The following FIGN variants were observed in gnomAD, a reference collection of about 807,000 sequenced individuals.
FIGN encodes fidgetin.
Under a neutral mutation model 51.3 loss-of-function variants are expected in FIGN, and 11 were observed. That is an observed-to-expected ratio of 0.21 (90% confidence interval 0.13 to 0.35). The LOEUF is 0.35. Among genes scored for constraint, FIGN ranks in the 10% least tolerant of loss-of-function variants. The pLI, the probability that FIGN is intolerant of heterozygous loss-of-function variation, is 1.00. For missense variants in FIGN, 857 were observed against 943.6 expected (o/e 0.91, Z 1.20); for synonymous variants, 407 against 363.2 (o/e 1.12, Z -1.37).
intron 2 of FIGN, among the ~76,000 whole-genome samples, chr2:163,628,165 T>G (rs1683085690): frequency 6.6e-6 from 1 of 152,192 alleles, no homozygotes; most frequent in East Asian, 1.9e-4. Context: ...ATATACATTC[T>G]GGCTCTGATG....
intron 2 of FIGN, among the ~76,000 whole-genome samples, chr2:163,721,964 C>T (rs1442875429): frequency 6.6e-6 from 1 of 152,132 alleles, no homozygotes; most frequent in African/African-American, 2.4e-5. Context: ...TTGCCTAACT[C>T]ATTATAATTT....
intron 2 of FIGN, among the ~76,000 whole-genome samples, chr2:163,672,629 A>G (rs1043201999): frequency 6.6e-6 from 1 of 152,218 alleles, no homozygotes; most frequent in African/African-American, 2.4e-5. Context: ...TGTGAAAAAC[A>G]AAGTGCCGAT....
Position 163,607,474 on chromosome 2 carries a change from T to G in FIGN, c.*2078A>C, listed in dbSNP as rs2105295965. 1 of 152,240 alleles carries G rather than the reference T, an allele frequency of 6.6e-6. No homozygotes were observed. Among genetic ancestry groups the G allele is most frequent in the Admixed American group, 6.6e-5 (1 of 15,244 alleles). 9.4% of individuals were successfully genotyped at this position (152,240 alleles called of 1,614,324 possible). ...AACATAAAAAATAAAAAAAGGGGAG[T>G]AAAGATCAAGCATCATAAAATTTCA... On this transcript the variant is annotated 3_prime_UTR_variant, in exon 3 of 3. Transcript: ENST00000333129.
Position 163,611,378 on chromosome 2 carries a change from G to T in FIGN, c.454C>A (p.Pro152Thr). 2 of 1,614,170 alleles carry T rather than the reference G, an allele frequency of 1.2e-6. No individual in the cohort carries two copies. Among genetic ancestry groups the T allele is most frequent in the Non-Finnish European group, 1.7e-6 (2 of 1,180,012 alleles). ...TCTGTCAGGTTGCTGGCTACCCCAGGAGAGCTTCCTATACTCGCAGAGACA... is the reference window on the plus strand; with the variant it reads ...TCTGTCAGGTTGCTGGCTACCCCAGTAGAGCTTCCTATACTCGCAGAGACA... ...ADVSASIGSS[P>T]GVASNLTEPS... The change falls in exon 3 of 3, where the codon CCT (proline) becomes ACT (threonine). Residue 152 changes from proline (P) to threonine (T), a missense_variant. Physicochemically the swap from Pro to Thr is conservative, Grantham distance 38. This residue lies in a region of FIGN where 799 missense variants were observed against 849.5 expected (regional missense o/e 0.94). Transcript: ENST00000333129.
chr2:163,611,817 TG>T lies in FIGN; in HGVS notation c.26-12del, dbSNP rs771540538. On this transcript the variant is annotated splice_polypyrimidine_tract_variant and intron_variant, in intron 2 of 2. Transcript: ENST00000333129. ...ACTGCATCTTCAAGCCTAAGAATTTTGGGGGGAAAAGAGTTAATTTACTTAA... is the reference window on the plus strand; with the variant it reads ...ACTGCATCTTCAAGCCTAAGAATTTTGGGGGAAAAGAGTTAATTTACTTAA... 1.2e-5 allele frequency: 19 copies of T among 1,585,920 alleles called. No homozygotes were observed. The African/African-American group carries it at 2.2e-4, about 18-fold the overall frequency.
At chr2:163,684,280 A>C (rs942033584) in intron 2 of FIGN, among the ~76,000 whole-genome samples, 20 of 152,244 alleles carry the variant, frequency 1.3e-4, no homozygotes, top group African/African-American at 4.6e-4. Context: ...AGAGAAGTTC[A>C]GCCTTTACTC....
chr2:163,660,874 TATA>T (rs1324845338), intron 2 of FIGN, among the ~76,000 whole-genome samples: 1 of 13,562 alleles, frequency 7.4e-5, no homozygotes, highest in African/African-American at 1.8e-4. Flanking sequence ...TATATATATA[TATA>T]TATTTTTTTT....
intron 2 of FIGN, among the ~76,000 whole-genome samples, chr2:163,640,620 C>A (rs1218652486): frequency 6.6e-6 from 1 of 151,900 alleles, no homozygotes; most frequent in Admixed American, 6.6e-5. Flanking sequence ...AGAATATCAC[C>A]CTTTGGTCTT....
chr2:163,611,013 C>T lies in FIGN; in HGVS notation c.819G>A (p.Ala273=), dbSNP rs776413594. ...GAGCAGGAATTCCTGAAGGCAGGTA[C>T]GCTGAAGGCGGAGGCGGTGCCCCCC... is the stretch of plus-strand genomic sequence containing the variant. The part of the protein sequence containing the change: ...SPGGAPPPPS[A]YLPSGIPAPT... Residue 273 remains alanine, a synonymous_variant, in exon 3 of 3, where the codon GCG becomes GCA. Transcript: ENST00000333129. 1.6e-5 allele frequency: 26 copies of T among 1,613,668 alleles called. No individual in the cohort carries two copies. The highest frequency in any genetic ancestry group is 4.5e-5 in the East Asian group (2 of 44,862).
chr2:163,654,375 G>A (rs1683526058), intron 2 of FIGN, among the ~76,000 whole-genome samples: 1 of 152,096 alleles, frequency 6.6e-6, no homozygotes. Flanking sequence ...TACAGTACTT[G>A]GCACCAACTA....
At chr2:163,636,162 T>A (rs1375837575) in intron 2 of FIGN, among the ~76,000 whole-genome samples, 1 of 152,216 alleles carries the variant, frequency 6.6e-6, no homozygotes, top group Non-Finnish European at 1.5e-5. Context: ...CTTGCCGTTT[T>A]ACAAGCTTGA....
chr2:163,626,879 G>A (rs977814637), intron 2 of FIGN, among the ~76,000 whole-genome samples: 5 of 152,054 alleles, frequency 3.3e-5, no homozygotes, highest in Admixed American at 6.6e-5. Context: ...CTCATTCTAC[G>A]CTAATTATAA....
chr2:163,610,048 A>G lies in FIGN; in HGVS notation c.1784T>C (p.Val595Ala). ...ACTGACTGGACTATGTTCCTCATTC[A>G]CTTGAGAGGAGAGAAGCATGTCAAT... is the stretch of plus-strand genomic sequence containing the variant. ...SDIDMLLSSQ[V>A]NEEHSPVSRM... Residue 595 changes from valine (V) to alanine (A), a missense_variant, in exon 3 of 3, where the codon GTG (valine) becomes GCG (alanine). Coordinates refer to ENST00000333129, the MANE Select transcript of FIGN (RefSeq NM_018086.4). 6.2e-7 allele frequency: 1 copy of G among 1,614,024 alleles called. No homozygotes were observed. Among genetic ancestry groups the G allele is most frequent in the African/African-American group, 1.3e-5 (1 of 75,026 alleles).
chr2:163,709,129 A>G lies in FIGN; in HGVS notation c.25+25774T>C, dbSNP rs189321354. 2.5e-3 allele frequency among the ~76,000 whole-genome samples: 381 copies of G among 152,262 alleles called. 2 individuals are homozygous for G. Among genetic ancestry groups the G allele is most frequent in the Non-Finnish European group, 4.6e-3 (313 of 68,010 alleles). On this transcript the variant is annotated intron_variant, in intron 2 of 2. Transcript: ENST00000333129. ...CTTAGAAAGCCAAGTTTCCACGTGC[A>G]TCACATAACTTTGACCTTGGCAAAC...
Position 163,603,387 on chromosome 2 carries a change from T to C in FIGN, c.*6165A>G, listed in dbSNP as rs1691016429. 2.6e-5 allele frequency: 4 copies of C among 152,112 alleles called. No homozygotes were observed. The highest frequency in any genetic ancestry group is 1.5e-5 in the Non-Finnish European group (1 of 68,004). The allele number at this position is 152,112 out of a possible 1,614,324, so 9.4% of individuals were successfully genotyped here. On this transcript the variant is annotated 3_prime_UTR_variant, in exon 3 of 3. Coordinates refer to ENST00000333129, the MANE Select transcript of FIGN (RefSeq NM_018086.4). The stretch of plus-strand genomic sequence containing the variant: ...TCAATTTAAGCAAATAAAATCAATA[T>C]GGTCAGGGAAGCAAAGTGCACAGAA...
intron 2 of FIGN, among the ~76,000 whole-genome samples, chr2:163,652,637 G>A (rs1381997229): frequency 6.6e-6 from 1 of 152,204 alleles, no homozygotes; most frequent in East Asian, 1.9e-4. Context: ...AGAAGTTTAT[G>A]TAGTTTTTCT....
At chr2:163,612,650 T>G in intron 2 of FIGN, 1 of 980,712 alleles carries the variant, frequency 1.0e-6, no homozygotes, top group Non-Finnish European at 1.2e-6. Flanking sequence ...TCTCTTATAA[T>G]CCCTCCTCCC....
At position 163,707,333 on chromosome 2, in the gene FIGN, C is replaced by T. The variant is rs888611140; in HGVS notation, c.25+27570G>A. ...ATCGCGCCACTGCACTCCACCCTAG[C>T]GACAGAATGAGACTCTGTCTCAAAA... is the stretch of plus-strand genomic sequence containing the variant. On this transcript the variant is annotated intron_variant, in intron 2 of 2. Transcript: ENST00000333129. Among the ~76,000 whole-genome samples the T allele has an allele frequency of 4.9e-5, 7 of 142,884 alleles. 1 individual carries two copies. The highest frequency in any genetic ancestry group is 1.8e-4 in the African/African-American group (7 of 37,844). 93.7% of individuals were successfully genotyped at this position (142,884 alleles called of 152,430 possible).
At chr2:163,642,291 G>A (rs987830995) in intron 2 of FIGN, among the ~76,000 whole-genome samples, 2 of 152,184 alleles carry the variant, frequency 1.3e-5, no homozygotes, top group Admixed American at 1.3e-4. Flanking sequence ...AGTAATGACT[G>A]CTTCCCAAAA....
Sources: allele counts gnomAD v4.1 joint callset (sites outside exome capture counted in the v4.1 genomes callset), GRCh38; gene constraint gnomAD v4.1.1; regional missense constraint gnomAD v4.1.1; transcripts MANE v1.5; gene names NCBI Gene and HGNC (gene_info 2026-07-23, HGNC 2026-07-21).